IFT81: variants seen among roughly 807,000 people sequenced by gnomAD.
IFT81 encodes intraflagellar transport protein 81 homolog.
IFT81 carries 72 observed loss-of-function variants against 102.6 expected under a neutral mutation model. The ratio of observed to expected loss-of-function variants is 0.70; its 90% confidence interval spans 0.58 to 0.85. IFT81 has a LOEUF of 0.85. Ranked by LOEUF, IFT81 falls within the 40% of genes least tolerant of loss-of-function variation. IFT81 has a pLI of 0.00. For missense variants in IFT81, 723 were observed against 787.3 expected (o/e 0.92, Z 0.98); for synonymous variants, 237 against 242.7 (o/e 0.98, Z 0.22).
chr12:110,185,078 C>T (rs928169928), intron 12 of IFT81, among the ~76,000 whole-genome samples: 3 of 152,200 alleles, frequency 2.0e-5, no homozygotes, highest in Non-Finnish European at 2.9e-5. Flanking sequence ...ACTCTACCTG[C>T]CACAGTAATA....
intron 10 of IFT81, among the ~76,000 whole-genome samples, chr12:110,157,174 C>T (rs768623998): frequency 1.3e-5 from 2 of 151,874 alleles, no homozygotes; most frequent in Non-Finnish European, 2.9e-5. Flanking sequence ...ATGGTGAAAC[C>T]CCGTCTCTAC....
intron 10 of IFT81, among the ~76,000 whole-genome samples, chr12:110,152,582 G>A (rs1186145202): frequency 6.6e-6 from 1 of 151,468 alleles, no homozygotes; most frequent in African/African-American, 2.4e-5. Flanking sequence ...TTTTGTTGTT[G>A]GGTTTTAGGA....
chr12:110,179,773 T>TATATATATACATACAC (rs774113734), intron 11 of IFT81, among the ~76,000 whole-genome samples: 1 of 50,492 alleles, frequency 2.0e-5, no homozygotes, highest in African/African-American at 5.5e-5. Flanking sequence ...TATATATATA[T>TATATATATACATACAC]ACACACACAC....
At chr12:110,148,366 C>T (rs1359313044) in intron 10 of IFT81, among the ~76,000 whole-genome samples, 5 of 151,748 alleles carry the variant, frequency 3.3e-5, no homozygotes, top group Admixed American at 3.3e-4. Flanking sequence ...AGTGATAATG[C>T]TCGGTTGTCT....
chr12:110,141,104 A>C (rs1442442543), intron 8 of IFT81, among the ~76,000 whole-genome samples: 4 of 151,974 alleles, frequency 2.6e-5, no homozygotes, highest in Admixed American at 2.6e-4. Flanking sequence ...GGCTCACCGC[A>C]ACCTCTGCCT....
chr12:110,137,937 G>A (rs1307556645), intron 8 of IFT81, among the ~76,000 whole-genome samples: 1 of 152,142 alleles, frequency 6.6e-6, no homozygotes, highest in Non-Finnish European at 1.5e-5. Context: ...CTCTGGCTCT[G>A]TTCTTACATT....
At position 110,203,933 on chromosome 12, in the gene IFT81, C is replaced by T. The variant is rs190174158; in HGVS notation, c.1627C>T (p.Arg543Trp). Residue 543 changes from arginine (R) to tryptophan (W), a missense_variant, in exon 15 of 19, where the codon CGG (arginine) becomes TGG (tryptophan). Transcript: ENST00000242591. ...CTGTGCAGCAGGCCTCGAAAGCAAT[C>T]GGTCCAAATTAGAACAGGTAAGAAG... is the stretch of plus-strand genomic sequence containing the variant. ...DSCAAGLESN[R>W]SKLEQEVRRL... The T allele has an allele frequency of 3.8e-5, 61 of 1,611,896 alleles. No individual in the cohort carries two copies. Among genetic ancestry groups the T allele is most frequent in the African/African-American group, 2.7e-4 (20 of 74,970 alleles).
Position 110,135,347 on chromosome 12 carries a change from T to G in IFT81, c.606T>G (p.His202Gln), listed in dbSNP as rs746627168. 56 of 1,612,194 alleles carry G rather than the reference T, an allele frequency of 3.5e-5. No homozygotes were observed. The highest frequency in any genetic ancestry group is 4.7e-5 in the Non-Finnish European group (55 of 1,178,864). ...TGTAGGTTGAGACAGCTCAGAATCA[T>G]CAATGGATGCTTAAAATAGCAAGGC... The part of the protein sequence containing the change: ...LKKRVETAQN[H>Q]QWMLKIARQL... The change falls in exon 7 of 19, where the codon CAT (histidine) becomes CAG (glutamine). Residue 202 changes from histidine to glutamine, a missense_variant. Transcript: ENST00000242591.
intron 11 of IFT81, among the ~76,000 whole-genome samples, chr12:110,166,936 G>A (rs1305148374): frequency 6.6e-6 from 1 of 151,936 alleles, no homozygotes; most frequent in African/African-American, 2.4e-5. Flanking sequence ...AAAAATTTAG[G>A]AACATAATGT....
chr12:110,170,994 A>G (rs1033844532), intron 11 of IFT81, among the ~76,000 whole-genome samples: 1 of 152,226 alleles, frequency 6.6e-6, no homozygotes, highest in African/African-American at 2.4e-5. Flanking sequence ...GTCCTGAAAA[A>G]TTAGGAATCA....
intron 12 of IFT81, among the ~76,000 whole-genome samples, chr12:110,188,353 A>G (rs946833344): frequency 2.0e-5 from 3 of 151,586 alleles, no homozygotes; most frequent in African/African-American, 7.3e-5. Flanking sequence ...ATTAAAAAAA[A>G]AAATAACCCA....
In IFT81 at chr12:110,132,459, C is replaced by CAA. The variant is rs397964365; in HGVS notation, c.430-73_430-72dup. On this transcript the variant is annotated intron_variant, in intron 4 of 18. Transcript: ENST00000242591. ...TGGGCGACAGAGCAAGAGTCTGTCTCAAAAAAAAAAAAAAAAGAAAGAAAG... is the reference window on the plus strand; with the variant it reads ...TGGGCGACAGAGCAAGAGTCTGTCTCAAAAAAAAAAAAAAAAAAGAAAGAAAG... 5.3e-3 allele frequency: 1,922 copies of CAA among 360,930 alleles called. 1 individual carries two copies. The highest frequency in any genetic ancestry group is 0.012 in the Middle Eastern group (15 of 1,220). 22.4% of individuals were successfully genotyped at this position (360,930 alleles called of 1,614,324 possible). A position where few individuals can be genotyped will look rare whatever the true frequency, so the allele number is the denominator to read the frequency against.
intron 10 of IFT81, among the ~76,000 whole-genome samples, chr12:110,150,148 C>G (rs972170665): frequency 6.6e-6 from 1 of 151,870 alleles, no homozygotes; most frequent in African/African-American, 2.4e-5. Flanking sequence ...GCTTTGTCAC[C>G]CAGCCGGGAG....
intron 10 of IFT81, among the ~76,000 whole-genome samples, chr12:110,147,523 A>G (rs910440728): frequency 3.9e-5 from 6 of 152,212 alleles, no homozygotes; most frequent in Admixed American, 1.3e-4. Context: ...ATCTTGTTGT[A>G]TATTTCTATA....
At chr12:110,140,139 AC>A (rs1424256660) in intron 8 of IFT81, among the ~76,000 whole-genome samples, 1 of 152,112 alleles carries the variant, frequency 6.6e-6, no homozygotes, top group Non-Finnish European at 1.5e-5. Flanking sequence ...GTTTTGGGTT[AC>A]ATGTGCTGAA....
At position 110,175,063 on chromosome 12, in the gene IFT81, G is replaced by C. The variant is rs535962820; in HGVS notation, c.1189-5359G>C. 6.6e-5 allele frequency among the ~76,000 whole-genome samples: 10 copies of C among 152,134 alleles called. No homozygotes were observed. In the East Asian group the frequency reaches 1.7e-3, roughly 26 times the overall value. ...CTAATTTAGATTACAAATGTATATG[G>C]GTACAAATGATTAGTAATAGCTGCT... On this transcript the variant is annotated intron_variant, in intron 11 of 18. Coordinates refer to ENST00000242591, the MANE Select transcript of IFT81 (RefSeq NM_014055.4).
In IFT81 at chr12:110,163,007, C is replaced by CA; in HGVS notation, c.1131dup (p.Val378SerfsTer8). ...TTAGCCAGCCTAGAGAGAGAAGCAT[C>CA]AGTAAAGAGAAATCAGACCCGTGAA... On this transcript the variant is annotated frameshift_variant, in exon 11 of 19. Transcript: ENST00000242591. LOFTEE classifies it high-confidence loss of function. 6.2e-7 allele frequency: 1 copy of CA among 1,613,900 alleles called. No individual in the cohort carries two copies. Among genetic ancestry groups the CA allele is most frequent in the Non-Finnish European group, 8.5e-7 (1 of 1,179,888 alleles).
At chr12:110,174,831 A>G (rs1896970724) in intron 11 of IFT81, among the ~76,000 whole-genome samples, 1 of 152,254 alleles carries the variant, frequency 6.6e-6, no homozygotes, top group Non-Finnish European at 1.5e-5. Flanking sequence ...TTTTGATCAC[A>G]GGGGAGCCGA....
chr12:110,179,773 TACACACACACACACACAC>T (rs34207126), intron 11 of IFT81, among the ~76,000 whole-genome samples: 1 of 50,492 alleles, frequency 2.0e-5, no homozygotes, highest in African/African-American at 5.5e-5. Context: ...TATATATATA[TACACACACACACACACAC>T]ACACACACAC....
Sources: gnomAD v4.1 joint callset for allele counts (sites outside exome capture counted in the v4.1 genomes callset) on GRCh38, gnomAD v4.1.1 for gene constraint, MANE v1.5 for transcripts, NCBI Gene and HGNC (gene_info 2026-07-23, HGNC 2026-07-21) for gene names.